Variants in GRIA4 observed in about 807,000 individuals in gnomAD.
GRIA4 encodes glutamate ionotropic receptor AMPA type subunit 4, also known as glutamate receptor 4.
GRIA4 carries 34 observed loss-of-function variants against 104.0 expected under a neutral mutation model. The observed-to-expected ratio is 0.33, with a 90% CI of 0.25 to 0.44. The LOEUF is 0.44. Among genes scored for constraint, GRIA4 ranks in the 20% least tolerant of loss-of-function variants. The pLI is 1.00. For synonymous variants in GRIA4, 386 were observed against 381.9 expected, an observed-to-expected ratio of 1.01 and a Z score of -0.13; for missense variants, 750 against 1,096.5, an observed-to-expected ratio of 0.68 and a Z score of 4.46.
intron 3 of GRIA4, among the ~76,000 whole-genome samples, chr11:105,676,121 T>C (rs193100255): frequency 1.8e-4 from 28 of 151,944 alleles, no homozygotes; most frequent in Admixed American, 3.9e-4. Flanking sequence ...TTTTTAATTG[T>C]AGTGTGTAAT....
intron 4 of GRIA4, among the ~76,000 whole-genome samples, chr11:105,782,450 A>C (rs930467776): frequency 6.6e-6 from 1 of 152,226 alleles, no homozygotes; most frequent in Non-Finnish European, 1.5e-5. Flanking sequence ...AATCCTCTTA[A>C]AACCAAATAA....
chr11:105,832,915 T>C (rs969690449), intron 4 of GRIA4, among the ~76,000 whole-genome samples: 9 of 152,064 alleles, frequency 5.9e-5, no homozygotes, highest in Non-Finnish European at 1.2e-4. Context: ...GTAATGCTAT[T>C]GAACAAATCT....
At chr11:105,971,478 A>G (rs1454676306) in intron 14 of GRIA4, among the ~76,000 whole-genome samples, 1 of 152,212 alleles carries the variant, frequency 6.6e-6, no homozygotes, top group Non-Finnish European at 1.5e-5. Flanking sequence ...GTCAAATACC[A>G]TAAGCTGAAT....
At position 105,684,711 on chromosome 11, in the gene GRIA4, A is replaced by C. The variant is rs190635638; in HGVS notation, c.248-68270A>C. On this transcript the variant is annotated intron_variant, in intron 3 of 16. Coordinates refer to ENST00000282499, the MANE Select transcript of GRIA4 (RefSeq NM_000829.4). ...AAGAGAAGAAAAAGAATTTGATTTA[A>C]ATAAAACCTATTCTAAAGATAGGCA... Among the ~76,000 whole-genome samples, 20 of 150,912 alleles carry C rather than the reference A, an allele frequency of 1.3e-4. No homozygotes were observed. The East Asian group carries it at 3.1e-3, about 23-fold the overall frequency.
chr11:105,789,464 G>A (rs909885131), intron 4 of GRIA4, among the ~76,000 whole-genome samples: 1 of 152,122 alleles, frequency 6.6e-6, no homozygotes, highest in African/African-American at 2.4e-5. Context: ...TGTATGCCAA[G>A]CAAAATGCAT....
chr11:105,812,067 G>C, intron 4 of GRIA4, among the ~76,000 whole-genome samples: 1 of 152,220 alleles, frequency 6.6e-6, no homozygotes, highest in East Asian at 1.9e-4. Flanking sequence ...GTGCGAGCAG[G>C]AGAAAAGAAA....
At chr11:105,905,445 A>C (rs1182165603) in intron 9 of GRIA4, 144 bp downstream of exon 9, 11 of 582,874 alleles carry the variant, frequency 1.9e-5, no homozygotes, top group Non-Finnish European at 3.4e-5. Context: ...TTTATAATCA[A>C]TGCTGTGATA....
chr11:105,738,710 C>T (rs1314458454), intron 3 of GRIA4, among the ~76,000 whole-genome samples: 1 of 151,968 alleles, frequency 6.6e-6, no homozygotes, highest in African/African-American at 2.4e-5. Flanking sequence ...TATTTAGACC[C>T]TTGAAAAAGT....
chr11:105,800,439 TC>T (rs2135834564), intron 4 of GRIA4, among the ~76,000 whole-genome samples: 1 of 152,164 alleles, frequency 6.6e-6, no homozygotes, highest in Non-Finnish European at 1.5e-5. Context: ...CTGTGAAGAC[TC>T]CTAATGATAA....
At chr11:105,728,222 T>C (rs1938346503) in intron 3 of GRIA4, among the ~76,000 whole-genome samples, 1 of 152,136 alleles carries the variant, frequency 6.6e-6, no homozygotes, top group Non-Finnish European at 1.5e-5. Context: ...GGGGTTGCAA[T>C]CCTATTCTCT....
chr11:105,639,466 C>T (rs10895849), intron 3 of GRIA4, among the ~76,000 whole-genome samples: 48,925 of 151,532 alleles, frequency 0.32, 8,472 homozygotes, highest in Admixed American at 0.46. Context: ...AATTATTTCT[C>T]GTATGTCACA....
intron 4 of GRIA4, among the ~76,000 whole-genome samples, chr11:105,847,970 G>A (rs1434220982): frequency 6.6e-6 from 1 of 152,162 alleles, no homozygotes; most frequent in African/African-American, 2.4e-5. Context: ...TAGACTTGCT[G>A]AGCAGAATTT....
intron 7 of GRIA4, among the ~76,000 whole-genome samples, chr11:105,898,941 A>G (rs753146866): frequency 6.6e-5 from 10 of 152,172 alleles, no homozygotes; most frequent in Non-Finnish European, 8.8e-5. Flanking sequence ...TAAATTTCTG[A>G]TCATAAGCAT....
At chr11:105,796,590 G>A (rs1942487881) in intron 4 of GRIA4, among the ~76,000 whole-genome samples, 1 of 152,128 alleles carries the variant, frequency 6.6e-6, no homozygotes, top group Admixed American at 6.6e-5. Context: ...ATCTTCCTGT[G>A]AGGTGCAAAA....
At chr11:105,961,569 T>C (rs1420368900) in intron 14 of GRIA4, among the ~76,000 whole-genome samples, 3 of 152,210 alleles carry the variant, frequency 2.0e-5, no homozygotes, top group Admixed American at 2.0e-4. Context: ...CAGAAGTGTT[T>C]TGGATTTCAG....
intron 5 of GRIA4, among the ~76,000 whole-genome samples, chr11:105,875,008 G>A (rs1195969890): frequency 6.6e-6 from 1 of 152,176 alleles, no homozygotes; most frequent in Admixed American, 6.5e-5. Context: ...CAAAGGGAAT[G>A]CTTCCAGCTT....
chr11:105,936,233 G>A (rs757491917), intron 14 of GRIA4, among the ~76,000 whole-genome samples: 17 of 152,040 alleles, frequency 1.1e-4, no homozygotes, highest in African/African-American at 3.4e-4. Flanking sequence ...ATACAGAGAT[G>A]GACTAATAGT....
intron 3 of GRIA4, among the ~76,000 whole-genome samples, chr11:105,688,148 ATCTATATC>A (rs761224188): frequency 0.06 from 3,535 of 58,598 alleles, 69 homozygotes; most frequent in East Asian, 0.13. Context: ...CTATATCTAT[ATCTATATC>A]TCTATCTATC....
At chr11:105,839,851 T>C (rs1944331433) in intron 4 of GRIA4, among the ~76,000 whole-genome samples, 1 of 152,174 alleles carries the variant, frequency 6.6e-6, no homozygotes, top group Admixed American at 6.5e-5. Flanking sequence ...TGTTATTATA[T>C]TATAAAGAAA....
Sources: allele counts gnomAD v4.1 joint callset (sites outside exome capture counted in the v4.1 genomes callset), GRCh38; gene constraint gnomAD v4.1.1; transcripts MANE v1.5; gene names NCBI Gene and HGNC (gene_info 2026-07-23, HGNC 2026-07-21).